SLC38A6: variants seen among roughly 807,000 people sequenced by gnomAD.
The protein encoded by SLC38A6 is N system amino acid transporter NAT-1.
Under a neutral mutation model 65.0 loss-of-function variants are expected in SLC38A6, and 73 were observed. The ratio of observed to expected loss-of-function variants is 1.12; its 90% CI spans 0.93 to 1.37. The LOEUF is 1.37. Among genes scored for constraint, SLC38A6 ranks in the 40% most tolerant of loss-of-function variants. The pLI is 0.00. For missense variants in SLC38A6, 561 were observed against 531.1 expected (o/e 1.06, Z -0.55); for synonymous variants, 183 against 178.8 (o/e 1.02, Z -0.19).
intron 3 of SLC38A6, among the ~76,000 whole-genome samples, chr14:60,997,838 A>T (rs1265225057): frequency 6.6e-6 from 1 of 152,198 alleles, no homozygotes; most frequent in African/African-American, 2.4e-5. Context: ...TGATAGTGTC[A>T]TCAATGAAGA....
intron 4 of SLC38A6, among the ~76,000 whole-genome samples, chr14:61,017,400 C>A (rs2040083786): frequency 6.6e-6 from 1 of 152,152 alleles, no homozygotes; most frequent in East Asian, 1.9e-4. Flanking sequence ...AGCATCATGG[C>A]TTGGACCTTA....
At chr14:60,983,639 T>A (rs2037241492) in intron 2 of SLC38A6, among the ~76,000 whole-genome samples, 1 of 152,236 alleles carries the variant, frequency 6.6e-6, no homozygotes, top group South Asian at 2.1e-4. Flanking sequence ...TATGTTTATT[T>A]CCTGCTTTTA....
At chr14:61,064,866 C>T (rs141134979) in intron 15 of SLC38A6, among the ~76,000 whole-genome samples, 90 of 152,096 alleles carry the variant, frequency 5.9e-4, no homozygotes, top group East Asian at 5.6e-3. Context: ...AAATTACTTT[C>T]GTATGTTGAG....
intron 5 of SLC38A6, among the ~76,000 whole-genome samples, chr14:61,028,594 AT>A (rs2139645990): frequency 6.6e-6 from 1 of 152,270 alleles, no homozygotes; most frequent in Non-Finnish European, 1.5e-5. Context: ...TACAGAACAC[AT>A]TTTCACATAC....
At chr14:61,011,447 C>A (rs1051298056) in intron 3 of SLC38A6, among the ~76,000 whole-genome samples, 19 of 152,000 alleles carry the variant, frequency 1.3e-4, no homozygotes, top group Non-Finnish European at 2.4e-4. Flanking sequence ...GAGGGCATCC[C>A]TGTCTTGTGC....
downstream of SLC38A6, among the ~76,000 whole-genome samples, chr14:61,055,452 A>AT (rs2042684959): frequency 4.6e-4 from 1 of 2,166 alleles, no homozygotes; most frequent in Admixed American, 3.5e-3. Context: ...TGAACTCATC[A>AT]TTTTTTATGG....
intron 3 of SLC38A6, among the ~76,000 whole-genome samples, chr14:61,006,381 G>C (rs1386430192): frequency 6.6e-6 from 1 of 152,168 alleles, no homozygotes; most frequent in East Asian, 1.9e-4. Context: ...TACCATCAGA[G>C]TGAACAGGCA....
chr14:61,054,256 A>C (rs2042629350), downstream of SLC38A6, among the ~76,000 whole-genome samples: 1 of 152,110 alleles, frequency 6.6e-6, no homozygotes. Flanking sequence ...TACCACTGTC[A>C]TGCAGTTTTA....
At chr14:61,007,049 C>G (rs1283234196) in intron 3 of SLC38A6, among the ~76,000 whole-genome samples, 1 of 152,098 alleles carries the variant, frequency 6.6e-6, no homozygotes, top group Non-Finnish European at 1.5e-5. Context: ...TGGAAATCAT[C>G]ATTCTCAGCA....
intron 2 of SLC38A6, 44 bp downstream of exon 2, chr14:60,982,682 A>C: frequency 6.3e-7 from 1 of 1,576,434 alleles, no homozygotes; most frequent in Non-Finnish European, 8.6e-7. Flanking sequence ...TTCCATTTTG[A>C]TAATATACGG....
chr14:61,025,238 G>A lies in SLC38A6; in HGVS notation c.404-5207G>A, dbSNP rs555136967. Among the ~76,000 whole-genome samples, 4 of 152,278 alleles carry A rather than the reference G, an allele frequency of 2.6e-5. No individual in the cohort carries two copies. The South Asian group carries it at 8.3e-4, about 32-fold the overall frequency. The stretch of plus-strand genomic sequence containing the variant: ...GAATTATAAAAATCTCAAATTCTCA[G>A]TATTTGAAAAATTCACAATATTAGA... On this transcript the variant is annotated intron_variant, in intron 5 of 15. Coordinates refer to ENST00000267488, the MANE Select transcript of SLC38A6 (RefSeq NM_153811.3).
intron 3 of SLC38A6, among the ~76,000 whole-genome samples, chr14:60,997,630 T>C (rs1281670233): frequency 3.3e-5 from 5 of 152,218 alleles, no homozygotes; most frequent in Non-Finnish European, 7.3e-5. Context: ...CAGGCCGGGC[T>C]GTTAAAAAAG....
rs200634402 is a variant in SLC38A6 at position 61,050,563 on chromosome 14, A to G, written c.977A>G (p.Asp326Gly). The G allele has an allele frequency of 6.3e-7, 1 of 1,593,572 alleles. No individual in the cohort carries two copies. Among genetic ancestry groups the G allele is most frequent in the Admixed American group, 1.7e-5 (1 of 59,498 alleles). Residue 326 changes from aspartate to glycine, a missense_variant, in exon 13 of 16, where the codon GAT (aspartate) becomes GGT (glycine). Asp to Gly is a moderately conservative substitution (Grantham distance 94). Transcript: ENST00000267488. ...LKGYSKYLSH[D>G]VVVMTVKLCI... ...GGTTATAGTAAATACTTATCACATG[A>G]TGTTGTTGTCATGACTGTGAAGTTA...
At chr14:60,982,264 A>G (rs749144171) in intron 1 of SLC38A6, 9 of 546,772 alleles carry the variant, frequency 1.6e-5, no homozygotes, top group Non-Finnish European at 2.8e-5. Context: ...GCCCTTCCTG[A>G]ACTCTGCCTG....
At chr14:61,047,156 A>G (rs1566704837) in intron 12 of SLC38A6, among the ~76,000 whole-genome samples, 1 of 152,100 alleles carries the variant, frequency 6.6e-6, no homozygotes, top group Non-Finnish European at 1.5e-5. Flanking sequence ...CAGCAATAAG[A>G]AAAAGTCCAA....
chr14:61,013,213 C>CT (rs1459960198), intron 3 of SLC38A6, among the ~76,000 whole-genome samples: 5 of 152,018 alleles, frequency 3.3e-5, no homozygotes, highest in Admixed American at 1.3e-4. Flanking sequence ...CAACCCCTGC[C>CT]TTTTTTTGTT....
intron 3 of SLC38A6, chr14:60,987,169 C>CTT (rs75703068): frequency 2.7e-3 from 513 of 192,150 alleles, no homozygotes; most frequent in South Asian, 5.7e-3. Flanking sequence ...TAGGCTTTTC[C>CTT]TTTTTTTTTT....
At chr14:61,069,594 G>A (rs997909341) in intron 15 of SLC38A6, among the ~76,000 whole-genome samples, 32 of 151,990 alleles carry the variant, frequency 2.1e-4, no homozygotes, top group African/African-American at 6.8e-4. Flanking sequence ...CTATCCAAAT[G>A]CTTCTCATTC....
At chr14:61,039,000 A>T (rs931212703) in intron 8 of SLC38A6, among the ~76,000 whole-genome samples, 3 of 152,210 alleles carry the variant, frequency 2.0e-5, no homozygotes, top group African/African-American at 7.2e-5. Flanking sequence ...GAATGTATGG[A>T]TATTAAAGAG....
Sources: allele counts gnomAD v4.1 joint callset (sites outside exome capture counted in the v4.1 genomes callset), GRCh38; gene constraint gnomAD v4.1.1; transcripts MANE v1.5; gene names NCBI Gene and HGNC (gene_info 2026-07-23, HGNC 2026-07-21).